The following ARID4B variants were observed in gnomAD, a reference collection of about 807,000 sequenced individuals.
The protein encoded by ARID4B is AT-rich interaction domain 4B, also known as AT-rich interactive domain-containing protein 4B.
A neutral mutation model predicts 147.5 loss-of-function variants in ARID4B; 26 were observed. The ratio of observed to expected loss-of-function variants is 0.18; its 90% CI spans 0.13 to 0.24. The LOEUF is 0.24. Among genes scored for constraint, ARID4B ranks in the 10% least tolerant of loss-of-function variants. The pLI, the probability that ARID4B is intolerant of heterozygous loss-of-function variation, is 1.00. For missense variants in ARID4B, 1,179 were observed against 1,511.5 expected (o/e 0.78, Z 3.65); for synonymous variants, 512 against 507.9 (o/e 1.01, Z -0.11).
chr1:235,168,649 G>A lies in ARID4B; in HGVS notation c.3815C>T (p.Ala1272Val), dbSNP rs758721366. ...KRLKKKERES[A>V]ATSSSSSSPS... Reference sequence around the variant, plus strand: ...TGAAGAGGAGGATGAGGATGTAGCAGCACCTAAGGAAAAGGGAGACCAAAC... The same window carrying A: ...TGAAGAGGAGGATGAGGATGTAGCAACACCTAAGGAAAAGGGAGACCAAAC... The change falls in exon 24 of 24, where the codon GCT (alanine) becomes GTT (valine). Residue 1272 changes from alanine to valine, a missense_variant. Ala to Val is a moderately conservative substitution (Grantham distance 64). Around this residue, in one of 10 missense-constraint regions of ARID4B, gnomAD observed 357 missense variants for 427.3 expected, o/e 0.84. Coordinates refer to ENST00000264183, the MANE Select transcript of ARID4B (RefSeq NM_016374.6). The A allele has an allele frequency of 1.1e-5, 17 of 1,612,780 alleles. No homozygotes were observed. Among genetic ancestry groups the A allele is most frequent in the Middle Eastern group, 1.6e-4 (1 of 6,076 alleles).
intron 6 of ARID4B, 84 bp from the exon 7 acceptor site, chr1:235,246,595 T>C: frequency 1.1e-6 from 1 of 946,942 alleles, no homozygotes; most frequent in Non-Finnish European, 1.7e-6. Flanking sequence ...TTTAAGAATA[T>C]GCTCAGATTT....
chr1:235,208,070 T>A (rs980245845), intron 17 of ARID4B, among the ~76,000 whole-genome samples: 1 of 152,146 alleles, frequency 6.6e-6, no homozygotes, highest in Admixed American at 6.5e-5. Context: ...CTAACTAAAT[T>A]TGCAACTCTT....
At chr1:235,207,874 A>C (rs1666425213) in intron 17 of ARID4B, among the ~76,000 whole-genome samples, 1 of 152,174 alleles carries the variant, frequency 6.6e-6, no homozygotes, top group Non-Finnish European at 1.5e-5. Flanking sequence ...AATGTAACAC[A>C]TTTTTAATTT....
At chr1:235,305,568 CTTAG>C (rs1188229282) in intron 2 of ARID4B, among the ~76,000 whole-genome samples, 1 of 152,130 alleles carries the variant, frequency 6.6e-6, no homozygotes, top group East Asian at 1.9e-4. Flanking sequence ...GTGGCATGAC[CTTAG>C]TTAGGTAAAT....
intron 11 of ARID4B, chr1:235,228,214 T>C (rs1667953161): frequency 6.6e-6 from 1 of 151,474 alleles, no homozygotes; most frequent in Non-Finnish European, 1.5e-5. Flanking sequence ...TATGGAGATG[T>C]AAGCATTTCA....
chr1:235,265,630 C>T lies in ARID4B; in HGVS notation c.7-4878G>A, dbSNP rs750448013. ...GGGAGGACCACTTCAGCCTGAGAGA[C>T]TGAGGTTGCAGTGAGCAGAGATCGC... On this transcript the variant is annotated intron_variant, in intron 2 of 23. Coordinates refer to ENST00000264183, the MANE Select transcript of ARID4B (RefSeq NM_016374.6). Among the ~76,000 whole-genome samples, 56 of 151,706 alleles carry T rather than the reference C, an allele frequency of 3.7e-4. 1 individual carries two copies. Among genetic ancestry groups the T allele is most frequent in the Admixed American group, 2.9e-3 (44 of 15,218 alleles).
intron 2 of ARID4B, among the ~76,000 whole-genome samples, chr1:235,299,129 C>A (rs1318774006): frequency 6.6e-6 from 1 of 152,190 alleles, no homozygotes; most frequent in South Asian, 2.1e-4. Flanking sequence ...ATTATACTTT[C>A]TAGAGCCACC....
intron 2 of ARID4B, 164 bp downstream of exon 2, chr1:235,326,750 G>GC: frequency 1.2e-6 from 1 of 807,390 alleles, no homozygotes; most frequent in African/African-American, 1.7e-5. Flanking sequence ...CCACAGCAAA[G>GC]CCCGCCAGCT....
intron 2 of ARID4B, among the ~76,000 whole-genome samples, chr1:235,307,422 G>A (rs190863535): frequency 6.6e-6 from 1 of 152,190 alleles, no homozygotes; most frequent in Non-Finnish European, 1.5e-5. Flanking sequence ...TCCAGTCTAA[G>A]TGACAGAGCT....
chr1:235,218,951 T>C (rs1467857972), intron 16 of ARID4B, among the ~76,000 whole-genome samples: 1 of 150,520 alleles, frequency 6.6e-6, no homozygotes, highest in East Asian at 2.0e-4. Flanking sequence ...CTGCAACCTC[T>C]GCCTCCAGGG....
At chr1:235,244,927 T>C (rs972644214) in intron 7 of ARID4B, among the ~76,000 whole-genome samples, 1 of 152,148 alleles carries the variant, frequency 6.6e-6, no homozygotes, top group Non-Finnish European at 1.5e-5. Flanking sequence ...TTTCAAACTG[T>C]AGTACTTGCC....
At chr1:235,273,758 A>T (rs1342911933) in intron 2 of ARID4B, among the ~76,000 whole-genome samples, 1 of 152,204 alleles carries the variant, frequency 6.6e-6, no homozygotes, top group African/African-American at 2.4e-5. Flanking sequence ...TGCTACAACT[A>T]CACACTCAAA....
At chr1:235,290,478 T>C (rs964842841) in intron 2 of ARID4B, among the ~76,000 whole-genome samples, 3 of 151,920 alleles carry the variant, frequency 2.0e-5, no homozygotes, top group African/African-American at 7.3e-5. Flanking sequence ...AACCCTACTC[T>C]TAGGAATTAA....
chr1:235,225,050 G>A (rs558480564), intron 11 of ARID4B, among the ~76,000 whole-genome samples: 39 of 132,490 alleles, frequency 2.9e-4, no homozygotes, highest in Admixed American at 4.8e-4. Context: ...AAGACTGTTC[G>A]TGGTTTTGTT....
In ARID4B at chr1:235,209,567, TG is replaced by T. The variant is rs758266115; in HGVS notation, c.1841+4201del. 5.6e-4 allele frequency among the ~76,000 whole-genome samples: 77 copies of T among 138,448 alleles called. 1 individual carries two copies. Among genetic ancestry groups the T allele is most frequent in the South Asian group, 1.6e-3 (7 of 4,450 alleles). The allele number at this position is 138,448 out of a possible 152,430, so 90.8% of individuals were successfully genotyped here. On this transcript the variant is annotated intron_variant, in intron 17 of 23. Coordinates refer to ENST00000264183, the MANE Select transcript of ARID4B (RefSeq NM_016374.6). Reference sequence around the variant, plus strand: ...AAATTGATTTTTTTGTTTTTTGTTTTGTTTTTTTTTTTTTGAGATGGAGTCT... The same window carrying T: ...AAATTGATTTTTTTGTTTTTTGTTTTTTTTTTTTTTTTTGAGATGGAGTCT...
chr1:235,294,770 TC>T (rs1372902177), intron 2 of ARID4B, among the ~76,000 whole-genome samples: 5 of 151,544 alleles, frequency 3.3e-5, no homozygotes, highest in African/African-American at 1.2e-4. Flanking sequence ...CGCCTCAGCC[TC>T]CCAAATTGCT....
intron 16 of ARID4B, among the ~76,000 whole-genome samples, chr1:235,215,263 C>T (rs184389115): frequency 6.6e-6 from 1 of 152,054 alleles, no homozygotes; most frequent in African/African-American, 2.4e-5. Context: ...AATCATAAAT[C>T]TTTCCAAACA....
intron 16 of ARID4B, among the ~76,000 whole-genome samples, chr1:235,215,026 G>A (rs1479538309): frequency 6.6e-6 from 1 of 151,512 alleles, no homozygotes; most frequent in Admixed American, 6.6e-5. Flanking sequence ...TGTATTTTTA[G>A]TAGTGACAGG....
At chr1:235,286,675 G>A (rs1191987981) in intron 2 of ARID4B, among the ~76,000 whole-genome samples, 1 of 152,184 alleles carries the variant, frequency 6.6e-6, no homozygotes, top group Non-Finnish European at 1.5e-5. Context: ...AATTATTAAT[G>A]ACCATAGCCA....
Sources: gnomAD v4.1 joint callset for allele counts (sites outside exome capture counted in the v4.1 genomes callset) on GRCh38, gnomAD v4.1.1 for gene constraint, gnomAD v4.1.1 regional missense constraint, MANE v1.5 for transcripts, NCBI Gene and HGNC (gene_info 2026-07-23, HGNC 2026-07-21) for gene names.